Variants in CABIN1 observed in about 807,000 individuals in gnomAD.
CABIN1 encodes the protein calcineurin-binding protein cabin-1.
CABIN1 carries 133 observed loss-of-function variants against 227.7 expected under a neutral mutation model. That is an observed-to-expected ratio of 0.58 (90% CI 0.51 to 0.67). CABIN1 has a LOEUF of 0.67. Ranked by LOEUF, CABIN1 falls within the 30% of genes least tolerant of loss-of-function variation. The pLI is 0.00. For synonymous variants in CABIN1, 1,086 were observed against 1,155.1 expected (o/e 0.94, Z 1.21); for missense variants, 2,408 against 2,852.5 (o/e 0.84, Z 3.55).
At chr22:24,087,172 G>C (rs1224082670) in intron 22 of CABIN1, among the ~76,000 whole-genome samples, 2 of 152,206 alleles carry the variant, frequency 1.3e-5, no homozygotes, top group African/African-American at 4.8e-5. Flanking sequence ...ATGCCTATTA[G>C]GCGCTGGGTG....
chr22:24,163,359 G>A (rs1359250724), intron 29 of CABIN1, among the ~76,000 whole-genome samples: 1 of 152,146 alleles, frequency 6.6e-6, no homozygotes, highest in East Asian at 1.9e-4. Context: ...CAGATACTGT[G>A]GATAATCAGC....
Position 24,035,534 on chromosome 22 carries a change from C to T in CABIN1, c.3+14C>T. The T allele has an allele frequency of 6.2e-7, 1 of 1,614,070 alleles. No individual in the cohort carries two copies. Among genetic ancestry groups the T allele is most frequent in the Non-Finnish European group, 8.5e-7 (1 of 1,179,970 alleles). ...TCTCTGAATATGGTAAGGACTGATG[C>T]CTGCCTATTTTGCGGACCTCAGTGT... On this transcript the variant is annotated intron_variant, in intron 2 of 36. Coordinates refer to ENST00000263119, the MANE Select transcript of CABIN1 (RefSeq NM_012295.4).
At chr22:24,115,901 C>G (rs960488470) in intron 27 of CABIN1, among the ~76,000 whole-genome samples, 1 of 152,168 alleles carries the variant, frequency 6.6e-6, no homozygotes, top group Non-Finnish European at 1.5e-5. Context: ...TATTTGTTAT[C>G]AAGCAGCAGG....
At chr22:24,134,652 G>A (rs1010731703) in intron 29 of CABIN1, among the ~76,000 whole-genome samples, 2 of 152,164 alleles carry the variant, frequency 1.3e-5, no homozygotes, top group African/African-American at 4.8e-5. Flanking sequence ...GGATGAGCTT[G>A]GTATGTTCTC....
chr22:24,033,035 G>A (rs996990444), intron 1 of CABIN1, among the ~76,000 whole-genome samples: 2 of 152,300 alleles, frequency 1.3e-5, no homozygotes, highest in African/African-American at 4.8e-5. Flanking sequence ...CCGAGATCGC[G>A]CCACTGCACT....
In CABIN1 at chr22:24,098,408, C is replaced by T; in HGVS notation, c.4117+216C>T. 3 of 994,396 alleles carry T rather than the reference C, an allele frequency of 3.0e-6. No homozygotes were observed. In the East Asian group the frequency reaches 8.0e-5, roughly 27 times the overall value. The allele number at this position is 994,396 out of a possible 1,614,324, so 61.6% of individuals were successfully genotyped here. A position where few individuals can be genotyped will look rare whatever the true frequency, so the allele number is the denominator to read the frequency against. ...GGGTCGCCACCTGCCAGCTTGCCCA[C>T]CTGGGAGCCAGGGGAGGGGGCAGGC... On this transcript the variant is annotated intron_variant, in intron 26 of 36. Coordinates refer to ENST00000263119, the MANE Select transcript of CABIN1 (RefSeq NM_012295.4).
chr22:24,134,460 T>G (rs370894323), intron 29 of CABIN1, 45 bp downstream of exon 29: 2 of 1,497,748 alleles, frequency 1.3e-6, no homozygotes, highest in Non-Finnish European at 1.9e-6. Context: ...TTGTTGCCAC[T>G]GCTTTTCACT....
At chr22:24,091,960 T>C (rs553641600) in intron 24 of CABIN1, 117 bp downstream of exon 24, 33 of 1,281,804 alleles carry the variant, frequency 2.6e-5, no homozygotes, top group East Asian at 1.2e-4. Context: ...CGCAAACTTA[T>C]CTGTGTTGAG....
chr22:24,166,607 G>T (rs759616434), intron 31 of CABIN1, 32 bp from the exon 32 acceptor site: 1 of 1,612,456 alleles, frequency 6.2e-7, no homozygotes, highest in Non-Finnish European at 8.5e-7. Context: ...AGACACCAGC[G>T]ACACAGCTTC....
intron 29 of CABIN1, among the ~76,000 whole-genome samples, chr22:24,154,029 C>A (rs2045641743): frequency 6.6e-6 from 1 of 152,204 alleles, no homozygotes; most frequent in Non-Finnish European, 1.5e-5. Flanking sequence ...TCTACTCTTT[C>A]TGTGGGAAGG....
At position 24,172,169 on chromosome 22, in the gene CABIN1, C is replaced by T. The variant is rs141595145; in HGVS notation, c.6040+174C>T. ...TCCACTCACCAGTCACTGGCAGCCT[C>T]GGTGGCCCTGGTCAGCACATCCTAC... is the stretch of plus-strand genomic sequence containing the variant. On this transcript the variant is annotated intron_variant, in intron 34 of 36. Coordinates refer to ENST00000263119, the MANE Select transcript of CABIN1 (RefSeq NM_012295.4). 8.6e-4 allele frequency among the ~76,000 whole-genome samples: 131 copies of T among 152,336 alleles called. No homozygotes were observed. In the East Asian group the frequency reaches 0.014, roughly 16 times the overall value.
chr22:24,160,548 T>C (rs542443372), intron 29 of CABIN1: 1 of 152,324 alleles, frequency 6.6e-6, no homozygotes, highest in South Asian at 2.1e-4. Flanking sequence ...ATCAGAACAG[T>C]GTTTGAATTT....
At chr22:24,086,549 G>A (rs1315382418) in intron 22 of CABIN1, among the ~76,000 whole-genome samples, 1 of 152,264 alleles carries the variant, frequency 6.6e-6, no homozygotes, top group Non-Finnish European at 1.5e-5. Flanking sequence ...GGCCTTAACA[G>A]GCAGGTGCTA....
In CABIN1 at chr22:24,066,995, G is replaced by A. The variant is rs746950367; in HGVS notation, c.2046G>A (p.Lys682=). Residue 682 remains lysine (K), a synonymous_variant, in exon 16 of 37, where the codon AAG becomes AAA. Coordinates refer to ENST00000263119, the MANE Select transcript of CABIN1 (RefSeq NM_012295.4). ...DSVVSLEEID[K]NLKSLERCQS... is the part of the protein sequence containing the mutation. ...TGCCGGGCCTTTTTCAGATTGATAAGAACCTGAAGTCGCTGGAGCGGTGCC... is the reference window on the plus strand; with the variant it reads ...TGCCGGGCCTTTTTCAGATTGATAAAAACCTGAAGTCGCTGGAGCGGTGCC... 1 of 1,614,216 alleles carries A rather than the reference G, an allele frequency of 6.2e-7. No individual in the cohort carries two copies. The highest frequency in any genetic ancestry group is 1.1e-5 in the South Asian group (1 of 91,078).
chr22:24,032,960 C>T (rs1280458964), intron 1 of CABIN1, among the ~76,000 whole-genome samples: 2 of 152,150 alleles, frequency 1.3e-5, no homozygotes, highest in Non-Finnish European at 2.9e-5. Context: ...TACCTGTAGT[C>T]CCAGCTACTC....
chr22:24,117,615 G>A (rs1460507901), intron 27 of CABIN1, among the ~76,000 whole-genome samples: 8 of 152,192 alleles, frequency 5.3e-5, no homozygotes, highest in African/African-American at 1.2e-4. Context: ...AGAGAGGGGC[G>A]GCTGAGCGGG....
rs578045449 is a variant in CABIN1 at position 24,028,559 on chromosome 22, C to T, written c.-74-6885C>T. ...GACTGAAAAGTTAAATGTGTCCTAT[C>T]CTCCAGTCGTTTTTTTCCAGCCCTT... On this transcript the variant is annotated intron_variant, in intron 1 of 36. Coordinates refer to ENST00000263119, the MANE Select transcript of CABIN1 (RefSeq NM_012295.4). Among the ~76,000 whole-genome samples, 6 of 152,290 alleles carry T rather than the reference C, an allele frequency of 3.9e-5. No individual in the cohort carries two copies. The South Asian group carries it at 1.2e-3, about 32-fold the overall frequency.
At chr22:24,165,139 GC>G (rs2046372913) in intron 30 of CABIN1, among the ~76,000 whole-genome samples, 1 of 152,236 alleles carries the variant, frequency 6.6e-6, no homozygotes, top group Non-Finnish European at 1.5e-5. Context: ...CTCCTCCCAT[GC>G]CTGCACTGTC....
intron 23 of CABIN1, among the ~76,000 whole-genome samples, chr22:24,090,619 C>A (rs1418886418): frequency 6.7e-6 from 1 of 149,870 alleles, no homozygotes; most frequent in Non-Finnish European, 1.5e-5. Context: ...AGGGTTTTCA[C>A]ATAAACAAGC....
Sources: gnomAD v4.1 joint callset for allele counts (sites outside exome capture counted in the v4.1 genomes callset) on GRCh38, gnomAD v4.1.1 for gene constraint, MANE v1.5 for transcripts, NCBI Gene and HGNC (gene_info 2026-07-23, HGNC 2026-07-21) for gene names.